The following GFRAL variants were observed in gnomAD, a reference collection of about 807,000 sequenced individuals.
GFRAL encodes the protein GDNF family receptor alpha-like.
In GFRAL, 36 loss-of-function variants were observed where a neutral mutation model predicts 45.4. The observed-to-expected ratio is 0.79, with a 90% confidence interval of 0.61 to 1.05. The LOEUF is 1.05. GFRAL is among the 50% of genes least tolerant of loss of function. GFRAL has a pLI of 0.00. For missense variants in GFRAL, 507 were observed against 467.5 expected (o/e 1.08, Z -0.78); for synonymous variants, 166 against 154.1 (o/e 1.08, Z -0.57).
chr6:55,363,408 G>A (rs530219643), intron 6 of GFRAL, among the ~76,000 whole-genome samples: 1 of 148,486 alleles, frequency 6.7e-6, no homozygotes, highest in Non-Finnish European at 1.5e-5. Context: ...CCATTTCCAA[G>A]TATTTACATA....
intron 3 of GFRAL, among the ~76,000 whole-genome samples, chr6:55,343,654 A>G (rs1322473678): frequency 2.0e-5 from 3 of 152,190 alleles, no homozygotes; most frequent in African/African-American, 7.2e-5. Flanking sequence ...AAAAGCTAGC[A>G]GAAGGCAAGA....
chr6:55,379,886 A>G (rs1768584461), intron 6 of GFRAL, among the ~76,000 whole-genome samples: 1 of 151,932 alleles, frequency 6.6e-6, no homozygotes, highest in African/African-American at 2.4e-5. Context: ...TTCCGCATAC[A>G]AGTGAGATCA....
chr6:55,370,585 C>T (rs183917221), intron 6 of GFRAL, among the ~76,000 whole-genome samples: 147 of 152,126 alleles, frequency 9.7e-4, no homozygotes, highest in Admixed American at 9.4e-3. Flanking sequence ...TTTCTTGATA[C>T]ACACATGCAA....
chr6:55,375,122 T>C (rs954401845), intron 6 of GFRAL, among the ~76,000 whole-genome samples: 8 of 152,146 alleles, frequency 5.3e-5, no homozygotes, highest in Non-Finnish European at 1.0e-4. Context: ...TTTTGCTCCA[T>C]ATGAATTTTT....
intron 4 of GFRAL, 64 bp from the exon 5 acceptor site, chr6:55,351,189 A>T: frequency 8.7e-7 from 1 of 1,145,208 alleles, no homozygotes; most frequent in South Asian, 1.5e-5. Context: ...ACAGTGTTTT[A>T]TAGTTTCTGT....
At chr6:55,356,680 T>G (rs1289433622) in intron 5 of GFRAL, among the ~76,000 whole-genome samples, 7 of 151,940 alleles carry the variant, frequency 4.6e-5, no homozygotes, top group Non-Finnish European at 5.9e-5. Flanking sequence ...TTTTGAATTT[T>G]TTTTGTTTCA....
Position 55,331,724 on chromosome 6 carries a change from T to TA in GFRAL, c.34dup (p.Ser12LysfsTer5). 1 of 1,608,634 alleles carries TA rather than the reference T, an allele frequency of 6.2e-7. No homozygotes were observed. Among genetic ancestry groups the TA allele is most frequent in the Non-Finnish European group, 8.5e-7 (1 of 1,178,300 alleles). ...GTTGTTGTTATTCAAGCTATGGGGT[T>TA]AAGCTTGGAAAATGAATACACTTCC... On this transcript the variant is annotated frameshift_variant, in exon 2 of 9. Coordinates refer to ENST00000340465, the MANE Select transcript of GFRAL (RefSeq NM_207410.2). LOFTEE classifies it high-confidence loss of function.
intron 4 of GFRAL, 66 bp from the exon 5 acceptor site, chr6:55,351,187 T>G: frequency 1.8e-6 from 2 of 1,131,568 alleles, no homozygotes; most frequent in Non-Finnish European, 2.6e-6. Context: ...TCACAGTGTT[T>G]TATAGTTTCT....
intron 6 of GFRAL, among the ~76,000 whole-genome samples, chr6:55,374,292 A>G (rs888966931): frequency 2.0e-5 from 3 of 152,062 alleles, no homozygotes; most frequent in Non-Finnish European, 4.4e-5. Flanking sequence ...GTCAAATGGT[A>G]TCTCTGCTTC....
intron 6 of GFRAL, among the ~76,000 whole-genome samples, chr6:55,362,038 A>C (rs1029108363): frequency 2.6e-5 from 4 of 151,926 alleles, no homozygotes; most frequent in African/African-American, 9.7e-5. Context: ...AACAATTTTT[A>C]TTGCTTTATT....
intron 3 of GFRAL, among the ~76,000 whole-genome samples, chr6:55,346,873 A>T (rs1407563980): frequency 7.0e-6 from 1 of 142,198 alleles, no homozygotes; most frequent in Non-Finnish European, 1.6e-5. Context: ...TAAGTGATGA[A>T]GAAAAATATC....
At chr6:55,337,509 C>A (rs547660570) in intron 3 of GFRAL, among the ~76,000 whole-genome samples, 2 of 152,276 alleles carry the variant, frequency 1.3e-5, no homozygotes, top group East Asian at 3.9e-4. Context: ...TGATCTATTT[C>A]ATTAACCAGT....
chr6:55,370,337 C>A (rs1230238314), intron 6 of GFRAL, among the ~76,000 whole-genome samples: 1 of 151,554 alleles, frequency 6.6e-6, no homozygotes, highest in Non-Finnish European at 1.5e-5. Flanking sequence ...AAAAAAAATC[C>A]AATCAATATA....
At chr6:55,366,020 AG>A (rs1350460549) in intron 6 of GFRAL, among the ~76,000 whole-genome samples, 2 of 151,090 alleles carry the variant, frequency 1.3e-5, no homozygotes, top group African/African-American at 2.4e-5. Flanking sequence ...GAATGGTACC[AG>A]TTCCTCCTTG....
At chr6:55,391,893 G>T (rs1044324870) in intron 6 of GFRAL, among the ~76,000 whole-genome samples, 2 of 152,126 alleles carry the variant, frequency 1.3e-5, no homozygotes, top group African/African-American at 2.4e-5. Context: ...GAAAATCTCT[G>T]TTTTAAATAT....
rs1288083594 is a variant in GFRAL at position 55,333,821 on chromosome 6, T to C, written c.193T>C (p.Tyr65His). The C allele has an allele frequency of 1.2e-6, 2 of 1,605,926 alleles. No individual in the cohort carries two copies. The highest frequency in any genetic ancestry group is 1.7e-5 in the Admixed American group (1 of 58,648). ...GDPCKMRNSS[Y>H]CNLSIQYLVE... ...CCCCTGCAAGATGAGGAATTCATCATACTGTAACCTGAGTATCCAGTACTT... is the reference window on the plus strand; with the variant it reads ...CCCCTGCAAGATGAGGAATTCATCACACTGTAACCTGAGTATCCAGTACTT... The change falls in exon 3 of 9, where the codon TAC (tyrosine) becomes CAC (histidine). Residue 65 changes from tyrosine (Y) to histidine (H), a missense_variant. Tyr to His is a moderately conservative substitution (Grantham distance 83, BLOSUM62 2). Transcript: ENST00000340465.
intron 3 of GFRAL, among the ~76,000 whole-genome samples, chr6:55,335,192 T>C (rs1454559366): frequency 6.6e-6 from 1 of 152,186 alleles, no homozygotes; most frequent in Non-Finnish European, 1.5e-5. Context: ...AGTGGTACTA[T>C]ATTGTAGTTT....
rs7753994 is a variant in GFRAL, at chr6:55,336,961, A to G, written c.316+3017A>G. Among the ~76,000 whole-genome samples, 4 of 152,098 alleles carry G rather than the reference A, an allele frequency of 2.6e-5. No individual in the cohort carries two copies. The South Asian group carries it at 8.3e-4, about 32-fold the overall frequency. On this transcript the variant is annotated intron_variant, in intron 3 of 8. Coordinates refer to ENST00000340465, the MANE Select transcript of GFRAL (RefSeq NM_207410.2). ...TGCTGAATTCTGCAAATACTTTTTT[A>G]GCCTCTATTACTATTAATTACTTCA...
intron 3 of GFRAL, among the ~76,000 whole-genome samples, chr6:55,336,846 G>T (rs1767896890): frequency 6.6e-6 from 1 of 152,106 alleles, no homozygotes; most frequent in Admixed American, 6.5e-5. Context: ...GAGTGTGTGT[G>T]TGTGTTCTTT....
Sources: gnomAD v4.1 joint callset for allele counts (sites outside exome capture counted in the v4.1 genomes callset) on GRCh38, gnomAD v4.1.1 for gene constraint, MANE v1.5 for transcripts, NCBI Gene and HGNC (gene_info 2026-07-23, HGNC 2026-07-21) for gene names.